The following TBC1D5 variants were observed in gnomAD, a reference collection of about 807,000 sequenced individuals.
The protein encoded by TBC1D5 is TBC1 domain family, member 5.
A neutral mutation model predicts 100.3 loss-of-function variants in TBC1D5; 75 were observed. That is an observed-to-expected ratio of 0.75 (90% CI 0.62 to 0.91). TBC1D5 has a LOEUF of 0.91. TBC1D5 is among the 40% of genes least tolerant of loss of function. The probability of loss-of-function intolerance (pLI) is 0.00; values close to 1 mark genes in which losing one functional copy is unlikely to be tolerated. For synonymous variants in TBC1D5, 323 were observed against 325.6 expected (o/e 0.99, Z 0.09); for missense variants, 910 against 942.4 (o/e 0.97, Z 0.45).
chr3:17,187,666 G>A (rs1484317757), intron 18 of TBC1D5, among the ~76,000 whole-genome samples: 3 of 152,216 alleles, frequency 2.0e-5, no homozygotes, highest in African/African-American at 7.2e-5. Flanking sequence ...TATGGCATGA[G>A]GAAACATAAG....
At chr3:17,177,766 T>C (rs1401028553) in intron 19 of TBC1D5, among the ~76,000 whole-genome samples, 1 of 152,154 alleles carries the variant, frequency 6.6e-6, no homozygotes, top group African/African-American at 2.4e-5. Flanking sequence ...TTTTTGCAAG[T>C]ACTTAGTAGG....
chr3:17,549,836 A>T (rs1471937264), intron 2 of TBC1D5, among the ~76,000 whole-genome samples: 1 of 152,010 alleles, frequency 6.6e-6, no homozygotes, highest in African/African-American at 2.4e-5. Context: ...AGGCTGAGGC[A>T]GGAGAATGGC....
In TBC1D5 at chr3:17,621,374, C is replaced by T. The variant is rs142268816; in HGVS notation, c.-36+2475G>A. On this transcript the variant is annotated intron_variant, in intron 2 of 21. Transcript: ENST00000253692. ...CAAGATCTTGTTCGCTAATATTATT[C>T]CCACTAAAAACAATCAGAGCTCCTC... is the stretch of plus-strand genomic sequence containing the variant. Among the ~76,000 whole-genome samples the T allele has an allele frequency of 3.3e-5, 5 of 152,300 alleles. No homozygotes were observed. In the East Asian group the frequency reaches 9.6e-4, roughly 29 times the overall value.
chr3:17,486,213 A>G (rs894388879), intron 3 of TBC1D5, among the ~76,000 whole-genome samples: 1 of 151,768 alleles, frequency 6.6e-6, no homozygotes, highest in Non-Finnish European at 1.5e-5. Flanking sequence ...AATTTGTTTG[A>G]GTTCATTGTA....
intron 1 of TBC1D5, among the ~76,000 whole-genome samples, chr3:17,677,692 C>A (rs1205014930): frequency 6.6e-6 from 1 of 152,180 alleles, no homozygotes; most frequent in Non-Finnish European, 1.5e-5. Flanking sequence ...AAGACACATG[C>A]ACACGTATGT....
chr3:17,676,260 TTTTG>T (rs2068617639), intron 1 of TBC1D5, among the ~76,000 whole-genome samples: 1 of 152,192 alleles, frequency 6.6e-6, no homozygotes, highest in African/African-American at 2.4e-5. Flanking sequence ...CATTTCTGCA[TTTTG>T]TTTATGTTTT....
chr3:17,172,849 C>T lies in TBC1D5; in HGVS notation c.1853-5021G>A, dbSNP rs544946978. ...TTTAAATGGCTGGTGCAAAAGGTAACATAAGCCTTATTTGGTGGTGGTGAG... is the reference window on the plus strand; with the variant it reads ...TTTAAATGGCTGGTGCAAAAGGTAATATAAGCCTTATTTGGTGGTGGTGAG... On this transcript the variant is annotated intron_variant, in intron 19 of 21. Coordinates refer to ENST00000253692, the Ensembl canonical transcript of TBC1D5. Among the ~76,000 whole-genome samples, 2 of 152,208 alleles carry T rather than the reference C, an allele frequency of 1.3e-5. 1 individual carries two copies. The highest frequency in any genetic ancestry group is 4.1e-4 in the South Asian group (2 of 4,828).
At chr3:17,475,174 G>GCCAC (rs1559968506) in intron 3 of TBC1D5, among the ~76,000 whole-genome samples, 6 of 150,202 alleles carry the variant, frequency 4.0e-5, no homozygotes, top group Admixed American at 1.3e-4. Context: ...GTTCTACCTT[G>GCCAC]CCCCGCCCCA....
intron 18 of TBC1D5, among the ~76,000 whole-genome samples, chr3:17,186,871 GC>G (rs1181046897): frequency 6.6e-6 from 1 of 151,998 alleles, no homozygotes; most frequent in African/African-American, 2.4e-5. Context: ...AAGTGTAGCA[GC>G]CTCTCCTCCA....
chr3:17,669,339 T>C (rs546386132), intron 1 of TBC1D5, among the ~76,000 whole-genome samples: 1 of 152,172 alleles, frequency 6.6e-6, no homozygotes, highest in Non-Finnish European at 1.5e-5. Flanking sequence ...CAGTTCTTTA[T>C]AGCAGCATGA....
At chr3:17,702,254 C>T (rs2073323024) in intron 1 of TBC1D5, 1 of 152,094 alleles carries the variant, frequency 6.6e-6, no homozygotes, top group African/African-American at 2.4e-5. Flanking sequence ...TTAAAAGACC[C>T]TGCTAAGACT....
chr3:17,648,713 C>A (rs531445994), intron 1 of TBC1D5, among the ~76,000 whole-genome samples: 72 of 152,206 alleles, frequency 4.7e-4, no homozygotes, highest in African/African-American at 1.6e-3. Flanking sequence ...ATGCGGCCAA[C>A]AAGCGTATGA....
intron 1 of TBC1D5, among the ~76,000 whole-genome samples, chr3:17,736,475 G>A (rs2076974716): frequency 6.6e-6 from 1 of 152,220 alleles, no homozygotes; most frequent in Non-Finnish European, 1.5e-5. Context: ...TGTTCCTCAT[G>A]GAAGTAAAAG....
In TBC1D5 at chr3:17,183,788, G is replaced by A. The variant is rs138727494; in HGVS notation, c.1852+1321C>T. Among the ~76,000 whole-genome samples the A allele has an allele frequency of 7.2e-5, 11 of 152,316 alleles. No individual in the cohort carries two copies. The East Asian group carries it at 2.1e-3, about 29-fold the overall frequency. On this transcript the variant is annotated intron_variant, in intron 19 of 21. Coordinates refer to ENST00000253692, the Ensembl canonical transcript of TBC1D5. ...CGGTTTAGGCTATATCCAAATGACAGCCGTTGTTACTTGTAATGGCTTAGA... is the reference window on the plus strand; with the variant it reads ...CGGTTTAGGCTATATCCAAATGACAACCGTTGTTACTTGTAATGGCTTAGA...
At chr3:17,729,015 G>GAAAAAAAAAA (rs2076342384) in intron 1 of TBC1D5, among the ~76,000 whole-genome samples, 3 of 12,388 alleles carry the variant, frequency 2.4e-4, no homozygotes, top group East Asian at 1.8e-3. Context: ...CTGAAAATCA[G>GAAAAAAAAAA]TAAAAAAAAA....
At chr3:17,382,316 T>C (rs2028873) in intron 9 of TBC1D5, among the ~76,000 whole-genome samples, 10,256 of 152,046 alleles carry the variant, frequency 0.067, 695 homozygotes, top group African/African-American at 0.18. Context: ...AAGGAATTTG[T>C]GTCTACACTC....
intron 3 of TBC1D5, among the ~76,000 whole-genome samples, chr3:17,491,788 C>A (rs140206184): frequency 1.1e-3 from 168 of 152,006 alleles, no homozygotes; most frequent in African/African-American, 3.9e-3. Context: ...TGCCAGGTTT[C>A]GGTATCAGGA....
At chr3:17,527,394 G>T in intron 2 of TBC1D5, among the ~76,000 whole-genome samples, 1 of 152,154 alleles carries the variant, frequency 6.6e-6, no homozygotes, top group East Asian at 1.9e-4. Context: ...GGAAAAAGAA[G>T]GGGAAACAGA....
intron 1 of TBC1D5, among the ~76,000 whole-genome samples, chr3:17,660,397 C>CTAGAT (rs1470539068): frequency 2.6e-5 from 4 of 152,176 alleles, no homozygotes; most frequent in Non-Finnish European, 5.9e-5. Context: ...AGTACCTGAG[C>CTAGAT]TAGATCCTGA....
Sources: gnomAD v4.1 joint callset for allele counts (sites outside exome capture counted in the v4.1 genomes callset) on GRCh38, gnomAD v4.1.1 for gene constraint, MANE v1.5 for transcripts, NCBI Gene and HGNC (gene_info 2026-07-23, HGNC 2026-07-21) for gene names.